HNF4G: variants seen among roughly 807,000 people sequenced by gnomAD.
HNF4G encodes hepatocyte nuclear factor 4 gamma.
Under a neutral mutation model 50.9 loss-of-function variants are expected in HNF4G, and 21 were observed. That is an observed-to-expected ratio of 0.41 (90% CI 0.29 to 0.59). The LOEUF is 0.59. HNF4G is among the 20% of genes least tolerant of loss of function. HNF4G has a pLI of 0.26. For synonymous variants in HNF4G, 198 were observed against 185.6 expected, an observed-to-expected ratio of 1.07 and a Z score of -0.54; for missense variants, 527 against 559.4, an observed-to-expected ratio of 0.94 and a Z score of 0.58.
chr8:75,410,719 G>A (rs1316907382), intron 1 of HNF4G, among the ~76,000 whole-genome samples: 2 of 152,310 alleles, frequency 1.3e-5, no homozygotes. Context: ...TAAATGAGGT[G>A]TTATAGCTCT....
chr8:75,487,475 A>G (rs1238023216), intron 1 of HNF4G, among the ~76,000 whole-genome samples: 1 of 152,174 alleles, frequency 6.6e-6, no homozygotes, highest in Non-Finnish European at 1.5e-5. Context: ...CAAACCCTCC[A>G]TAAAATAGTC....
At chr8:75,458,261 C>T (rs1470376947) in intron 1 of HNF4G, among the ~76,000 whole-genome samples, 1 of 151,738 alleles carries the variant, frequency 6.6e-6, no homozygotes, top group Non-Finnish European at 1.5e-5. Flanking sequence ...GTTAAATACC[C>T]CGTCTTGGAT....
At chr8:75,449,652 T>TTG (rs1563511470) in intron 1 of HNF4G, among the ~76,000 whole-genome samples, 1 of 151,458 alleles carries the variant, frequency 6.6e-6, no homozygotes, top group East Asian at 2.0e-4. Context: ...GACTACAGGC[T>TTG]CCCGCCACCA....
chr8:75,416,324 T>C (rs1810634318), intron 1 of HNF4G, among the ~76,000 whole-genome samples: 1 of 152,184 alleles, frequency 6.6e-6, no homozygotes, highest in Admixed American at 6.5e-5. Flanking sequence ...TTCGGAAACA[T>C]GAATAAAAAT....
intron 1 of HNF4G, among the ~76,000 whole-genome samples, chr8:75,482,699 T>C (rs1044815248): frequency 1.3e-5 from 2 of 152,158 alleles, no homozygotes; most frequent in Admixed American, 6.6e-5. Flanking sequence ...TTGGATACTT[T>C]CCTGATCGCC....
intron 9 of HNF4G, among the ~76,000 whole-genome samples, chr8:75,563,723 A>C (rs1807384019): frequency 6.6e-6 from 1 of 151,696 alleles, no homozygotes; most frequent in African/African-American, 2.4e-5. Context: ...GGCAGAAAAC[A>C]CCTTAAAGTA....
chr8:75,512,571 T>C (rs995157351), intron 2 of HNF4G, among the ~76,000 whole-genome samples: 57 of 151,874 alleles, frequency 3.8e-4, no homozygotes, highest in African/African-American at 1.3e-3. Context: ...TTCATGCCAT[T>C]CTCCTGACTC....
chr8:75,559,038 G>T lies in HNF4G; in HGVS notation c.1123+1G>T. Reference sequence around the variant, plus strand: ...CTACTTCAGGAAATGCTATTAGGTGGTGAGTACATTGAATAATTTCTACTT... The same window carrying T: ...CTACTTCAGGAAATGCTATTAGGTGTTGAGTACATTGAATAATTTCTACTT... On this transcript the variant is annotated splice_donor_variant, in intron 8 of 9. Coordinates refer to ENST00000396423, the MANE Select transcript of HNF4G (RefSeq NM_004133.5). LOFTEE classifies it high-confidence loss of function. 1 of 1,465,146 alleles carries T rather than the reference G, an allele frequency of 6.8e-7. No individual in the cohort carries two copies. Among genetic ancestry groups the T allele is most frequent in the Non-Finnish European group, 9.6e-7 (1 of 1,044,278 alleles). The allele number at this position is 1,465,146 out of a possible 1,614,324, so 90.8% of individuals were successfully genotyped here. A position where few individuals can be genotyped will look rare whatever the true frequency, so the allele number is the denominator to read the frequency against.
intron 1 of HNF4G, among the ~76,000 whole-genome samples, chr8:75,419,835 T>A (rs1449231750): frequency 6.6e-6 from 1 of 152,258 alleles, no homozygotes; most frequent in Non-Finnish European, 1.5e-5. Context: ...GTTTATTGAT[T>A]TAGATAAATG....
At chr8:75,556,317 A>T (rs1447241962) in intron 6 of HNF4G, among the ~76,000 whole-genome samples, 3 of 152,178 alleles carry the variant, frequency 2.0e-5, no homozygotes, top group African/African-American at 7.2e-5. Context: ...ATGTTGCTCA[A>T]TAAACATAAT....
chr8:75,506,634 A>G (rs1813086417), intron 2 of HNF4G, among the ~76,000 whole-genome samples: 1 of 152,202 alleles, frequency 6.6e-6, no homozygotes, highest in South Asian at 2.1e-4. Context: ...ATTAGATTTC[A>G]GGATTGAACT....
At chr8:75,468,351 A>G (rs752580110) in intron 1 of HNF4G, among the ~76,000 whole-genome samples, 4 of 152,164 alleles carry the variant, frequency 2.6e-5, no homozygotes, top group Non-Finnish European at 5.9e-5. Flanking sequence ...AACCATGCTT[A>G]GTCTGCATCT....
intron 1 of HNF4G, among the ~76,000 whole-genome samples, chr8:75,488,662 A>G (rs551778019): frequency 1.3e-5 from 2 of 152,302 alleles, no homozygotes; most frequent in East Asian, 3.9e-4. Flanking sequence ...GGATTAATAT[A>G]GCAAATTCTT....
At chr8:75,525,820 G>T (rs1806162618) in intron 2 of HNF4G, among the ~76,000 whole-genome samples, 2 of 152,164 alleles carry the variant, frequency 1.3e-5, no homozygotes, top group South Asian at 4.1e-4. Flanking sequence ...CATTTTAAAT[G>T]CCTGAGATTC....
intron 1 of HNF4G, among the ~76,000 whole-genome samples, chr8:75,452,222 CA>C (rs1381898621): frequency 5.3e-5 from 8 of 151,948 alleles, no homozygotes; most frequent in African/African-American, 1.9e-4. Context: ...TTCTAAAGAA[CA>C]AAAGTTATAA....
At chr8:75,448,204 A>G in intron 1 of HNF4G, among the ~76,000 whole-genome samples, 1 of 139,610 alleles carries the variant, frequency 7.2e-6, no homozygotes, top group African/African-American at 2.7e-5. Context: ...AACACCGTAT[A>G]TTCTCACTCA....
intron 2 of HNF4G, among the ~76,000 whole-genome samples, chr8:75,501,276 CA>C (rs1369504820): frequency 1.3e-5 from 2 of 151,742 alleles, no homozygotes; most frequent in Non-Finnish European, 2.9e-5. Context: ...CGTATCTCTA[CA>C]AAAAATAAAA....
At position 75,517,837 on chromosome 8, in the gene HNF4G, C is replaced by A. The variant is rs2977919; in HGVS notation, c.-23-25974C>A. 2.4e-4 allele frequency among the ~76,000 whole-genome samples: 37 copies of A among 152,030 alleles called. No homozygotes were observed. The South Asian group carries it at 6.2e-3, about 26-fold the overall frequency. ...AGTGCCCCAGTAGGGACCTTGTGTG[C>A]GGGTTCTGACCTCACATTCTCCTTC... On this transcript the variant is annotated intron_variant, in intron 2 of 10. Transcript: ENST00000354370.
chr8:75,464,148 G>A (rs1368099328), intron 1 of HNF4G, among the ~76,000 whole-genome samples: 1 of 152,006 alleles, frequency 6.6e-6, no homozygotes, highest in Non-Finnish European at 1.5e-5. Context: ...GAGTCACATA[G>A]TGTACTATGT....
Sources: allele counts gnomAD v4.1 joint callset (sites outside exome capture counted in the v4.1 genomes callset), GRCh38; gene constraint gnomAD v4.1.1; transcripts MANE v1.5; gene names NCBI Gene and HGNC (gene_info 2026-07-23, HGNC 2026-07-21).